Variants in FBLN5 observed in about 807,000 individuals in gnomAD.
FBLN5 encodes fibulin 5.
A neutral mutation model predicts 61.6 loss-of-function variants in FBLN5; 24 were observed. That is an observed-to-expected ratio of 0.39 (90% CI 0.28 to 0.55). FBLN5 has a LOEUF of 0.55. Among genes scored for constraint, FBLN5 ranks in the 20% least tolerant of loss-of-function variants. FBLN5 has a pLI of 0.65. For missense variants in FBLN5, 470 were observed against 594.1 expected (o/e 0.79, Z 2.17); for synonymous variants, 213 against 219.8 (o/e 0.97, Z 0.27).
chr14:91,937,066 G>C lies in FBLN5; in HGVS notation c.260C>G (p.Pro87Arg), dbSNP rs768890082. 2 of 1,613,970 alleles carry C rather than the reference G, an allele frequency of 1.2e-6. No individual in the cohort carries two copies. Among genetic ancestry groups the C allele is most frequent in the Non-Finnish European group, 1.7e-6 (2 of 1,179,996 alleles). The change falls in exon 4 of 11, where the codon CCC becomes CGC. Residue 87 changes from proline (P) to arginine (R), a missense_variant. Coordinates refer to ENST00000342058, the MANE Select transcript of FBLN5 (RefSeq NM_006329.4). Reference sequence around the variant, plus strand: ...AGCTGCTGGGTACGGACCTGAGTAGGGGGTCGAGTAGGGGTTCGAGTAGGG... The same window carrying C: ...AGCTGCTGGGTACGGACCTGAGTAGCGGGTCGAGTAGGGGTTCGAGTAGGG... ...RGPYSNPYST[P>R]YSGPYPAAAP...
Position 91,877,675 on chromosome 14 carries a change from T to C in FBLN5, c.997A>G (p.Met333Val), listed in dbSNP as rs1281510061. 2.5e-6 allele frequency: 4 copies of C among 1,613,890 alleles called. No homozygotes were observed. Among genetic ancestry groups the C allele is most frequent in the Non-Finnish European group, 3.4e-6 (4 of 1,179,792 alleles). Residue 333 changes from methionine (M) to valine (V), a missense_variant, in exon 10 of 11, where the codon ATG (methionine) becomes GTG (valine). Transcript: ENST00000342058. ...CAGCCAGGGTTCTCAGCAGGACACA[T>C]ACAGCGGCTGTGGAAAGGGAAATCA... ...PYLRISDNRC[M>V]CPAENPGCRD...
Position 91,947,334 on chromosome 14 carries a change from G to A in FBLN5, c.-105C>T. 4 of 1,369,650 alleles carry A rather than the reference G, an allele frequency of 2.9e-6. No homozygotes were observed. Among genetic ancestry groups the A allele is most frequent in the Non-Finnish European group, 4.1e-6 (4 of 964,464 alleles). 84.8% of individuals were successfully genotyped at this position (1,369,650 alleles called of 1,614,324 possible). Reference sequence around the variant, plus strand: ...GGCCTCCTCTGGGCCCTCGGGGCTCGCGGGTGTTTTATTCCAGAGGGGCCG... The same window carrying A: ...GGCCTCCTCTGGGCCCTCGGGGCTCACGGGTGTTTTATTCCAGAGGGGCCG... On this transcript the variant is annotated 5_prime_UTR_variant, in exon 1 of 11. Coordinates refer to ENST00000342058, the MANE Select transcript of FBLN5 (RefSeq NM_006329.4). The surrounding 1 kb of genome is among the most constrained non-coding windows in gnomAD (Gnocchi z 4.3).
At chr14:91,939,957 C>A (rs923244799) in intron 3 of FBLN5, 4 of 453,668 alleles carry the variant, frequency 8.8e-6, no homozygotes, top group Middle Eastern at 6.9e-4. Flanking sequence ...GATGCTACAA[C>A]AGAAAAAGAA....
chr14:91,895,094 A>G (rs916508612), intron 4 of FBLN5, 22 bp from the exon 5 acceptor site: 1 of 1,613,572 alleles, frequency 6.2e-7, no homozygotes, highest in Middle Eastern at 1.7e-4. Flanking sequence ...ACATAGTCCA[A>G]AGAATGTCAC....
chr14:91,875,889 A>G (rs1242932514), intron 10 of FBLN5, among the ~76,000 whole-genome samples: 1 of 152,238 alleles, frequency 6.6e-6, no homozygotes, highest in Non-Finnish European at 1.5e-5. Context: ...TAGAAATGGA[A>G]CATGCCTGTG....
At chr14:91,926,078 T>C (rs1163053991) in intron 4 of FBLN5, among the ~76,000 whole-genome samples, 1 of 152,154 alleles carries the variant, frequency 6.6e-6, no homozygotes, top group African/African-American at 2.4e-5. Context: ...AGAGCCTCAC[T>C]CTGCCAGATG....
At position 91,943,486 on chromosome 14, in the gene FBLN5, G is replaced by C; in HGVS notation, c.18-525C>G. Among the ~76,000 whole-genome samples, 1 of 152,054 alleles carries C rather than the reference G, an allele frequency of 6.6e-6. No homozygotes were observed. The highest frequency in any genetic ancestry group is 3.2e-3 in the Middle Eastern group (1 of 316). ...ATCATACCACTGCACTCCAGCCTGG[G>C]TGACAGAGCGAGACCTTGTCCTCCC... On this transcript the variant is annotated intron_variant, in intron 1 of 10. Transcript: ENST00000342058. This position sits in a 1 kb window ranked among gnomAD's most constrained non-coding sequence, Gnocchi z 4.0.
At chr14:91,940,838 C>T (rs2056093936) in intron 2 of FBLN5, among the ~76,000 whole-genome samples, 1 of 152,146 alleles carries the variant, frequency 6.6e-6, no homozygotes, top group Non-Finnish European at 1.5e-5. Flanking sequence ...GGCGCAGTGG[C>T]TCATGCATGT....
chr14:91,870,256 G>T lies in FBLN5; in HGVS notation c.1315C>A (p.Leu439Met), dbSNP rs748616645. The change falls in exon 11 of 11, where the codon CTG (leucine) becomes ATG (methionine). Residue 439 changes from leucine (L) to methionine (M), a missense_variant. Coordinates refer to ENST00000342058, the MANE Select transcript of FBLN5 (RefSeq NM_006329.4). ...INFRGSSVIR[L>M]RIYVSQYPF ...GGGTACTGCGACACATATATCCGCA[G>T]TCGGATCACGGAGCTGCCTCTGAAG... The T allele has an allele frequency of 8.7e-6, 14 of 1,614,246 alleles. No homozygotes were observed. Among genetic ancestry groups the T allele is most frequent in the Non-Finnish European group, 1.2e-5 (14 of 1,180,034 alleles).
intron 2 of FBLN5, 64 bp downstream of exon 2, chr14:91,942,843 G>C: frequency 9.4e-7 from 1 of 1,064,740 alleles, no homozygotes. Flanking sequence ...GTAGCGCAAG[G>C]CTGGACTCCC....
chr14:91,885,259 G>A (rs543789270), intron 7 of FBLN5, among the ~76,000 whole-genome samples: 2 of 152,272 alleles, frequency 1.3e-5, no homozygotes, highest in African/African-American at 4.8e-5. Context: ...AGGACAAGTT[G>A]GCCATTTGGG....
In FBLN5 at chr14:91,877,868, T is replaced by G. The variant is rs1889244411; in HGVS notation, c.990-186A>C. ...CTCCAGCATGTAGGCGAGCTCTGTT[T>G]CCTAGAGAATGGACTTTTCTCACCA... On this transcript the variant is annotated intron_variant, in intron 9 of 10. Coordinates refer to ENST00000342058, the MANE Select transcript of FBLN5 (RefSeq NM_006329.4). 4.6e-5 allele frequency: 31 copies of G among 670,904 alleles called. 1 individual carries two copies. In the South Asian group the frequency reaches 4.8e-4, roughly 10 times the overall value. The allele number at this position is 670,904 out of a possible 1,614,324, so 41.6% of individuals were successfully genotyped here.
At chr14:91,926,368 C>T (rs2055828791) in intron 4 of FBLN5, among the ~76,000 whole-genome samples, 1 of 152,150 alleles carries the variant, frequency 6.6e-6, no homozygotes, top group African/African-American at 2.4e-5. Context: ...CCAGCACTTC[C>T]CCAGTCCCAG....
chr14:91,871,814 A>G (rs1595288414), intron 10 of FBLN5, among the ~76,000 whole-genome samples: 1 of 151,408 alleles, frequency 6.6e-6, no homozygotes, highest in South Asian at 2.1e-4. Context: ...TAGAGATCGC[A>G]CCACTATACT....
intron 4 of FBLN5, among the ~76,000 whole-genome samples, chr14:91,906,702 G>A (rs1315701606): frequency 6.6e-6 from 1 of 152,226 alleles, no homozygotes; most frequent in Non-Finnish European, 1.5e-5. Context: ...CTCCAGTGAG[G>A]AAGGCAGGGA....
intron 4 of FBLN5, among the ~76,000 whole-genome samples, chr14:91,909,756 A>C (rs1393446412): frequency 2.0e-5 from 3 of 152,240 alleles, no homozygotes; most frequent in Non-Finnish European, 4.4e-5. Context: ...CATGAGCTAA[A>C]TAGGCCTCTA....
At chr14:91,946,819 C>A in intron 1 of FBLN5, 6 of 1,532,156 alleles carry the variant, frequency 3.9e-6, no homozygotes, top group Non-Finnish European at 4.4e-6. Context: ...AGCCTGTCTG[C>A]TTGTCTATCA....
At chr14:91,893,765 A>C (rs1890092223) in intron 5 of FBLN5, among the ~76,000 whole-genome samples, 1 of 152,252 alleles carries the variant, frequency 6.6e-6, no homozygotes, top group Non-Finnish European at 1.5e-5. Flanking sequence ...GCAGATGCTA[A>C]CTGCAAAGGC....
intron 5 of FBLN5, among the ~76,000 whole-genome samples, chr14:91,893,874 G>A (rs984465109): frequency 1.3e-5 from 2 of 152,206 alleles, no homozygotes; most frequent in Non-Finnish European, 2.9e-5. Context: ...GGCAAAGACA[G>A]GGTGTTGAAA....
Sources: gnomAD v4.1 joint callset for allele counts (sites outside exome capture counted in the v4.1 genomes callset) on GRCh38, gnomAD v4.1.1 for gene constraint, Gnocchi (gnomAD v3.1) non-coding constraint, MANE v1.5 for transcripts, NCBI Gene and HGNC (gene_info 2026-07-23, HGNC 2026-07-21) for gene names.